The following GNAQ variants were observed in gnomAD, a reference collection of about 807,000 sequenced individuals.
GNAQ encodes the protein G protein subunit alpha q, also known as guanine nucleotide-binding protein G(q) subunit alpha.
In GNAQ, 8 loss-of-function variants were observed where a neutral mutation model predicts 43.9. The ratio of observed to expected loss-of-function variants is 0.18; its 90% CI spans 0.11 to 0.33. The LOEUF (loss-of-function observed/expected upper bound fraction) is 0.33, where lower values mean the gene tolerates loss of function less well. Among genes scored for constraint, GNAQ ranks in the 10% least tolerant of loss-of-function variants. The pLI, the probability that GNAQ is intolerant of heterozygous loss-of-function variation, is 1.00. For synonymous variants in GNAQ, 155 were observed against 170.7 expected (o/e 0.91, Z 0.71); for missense variants, 158 against 450.8 (o/e 0.35, Z 5.88).
chr9:77,868,613 T>C (rs11145596), intron 2 of GNAQ, among the ~76,000 whole-genome samples: 21,498 of 151,892 alleles, frequency 0.14, 1,642 homozygotes, highest in East Asian at 0.29. Flanking sequence ...CTGGCCAACA[T>C]AGTGAAGTCC....
intron 3 of GNAQ, among the ~76,000 whole-genome samples, chr9:77,801,168 T>C (rs1242449763): frequency 6.6e-6 from 1 of 152,096 alleles, no homozygotes; most frequent in East Asian, 1.9e-4. Context: ...AACCAGCACA[T>C]GAAGTGGGAA....
chr9:77,926,568 G>A (rs1428700341), intron 1 of GNAQ, among the ~76,000 whole-genome samples: 1 of 152,142 alleles, frequency 6.6e-6, no homozygotes, highest in East Asian at 1.9e-4. Flanking sequence ...AAAATCTGGT[G>A]ACAAGCCCTT....
At chr9:77,806,331 G>A (rs945000411) in intron 3 of GNAQ, among the ~76,000 whole-genome samples, 1 of 152,170 alleles carries the variant, frequency 6.6e-6, no homozygotes, top group Admixed American at 6.5e-5. Flanking sequence ...ACTGGATGGC[G>A]ATGCTTAATT....
chr9:77,824,417 T>G (rs879876849), intron 2 of GNAQ, among the ~76,000 whole-genome samples: 1 of 152,222 alleles, frequency 6.6e-6, no homozygotes, highest in Admixed American at 6.5e-5. Context: ...CATAGAACTA[T>G]CTTTCGGTAT....
intron 1 of GNAQ, among the ~76,000 whole-genome samples, chr9:77,995,969 A>AT (rs1467012699): frequency 1.3e-5 from 2 of 152,218 alleles, no homozygotes; most frequent in African/African-American, 4.8e-5. Context: ...CATACATTCT[A>AT]TTTGCACACA....
chr9:77,900,197 C>T (rs960078296), intron 2 of GNAQ, among the ~76,000 whole-genome samples: 1 of 152,054 alleles, frequency 6.6e-6, no homozygotes, highest in Non-Finnish European at 1.5e-5. Flanking sequence ...TTGTGGTATA[C>T]GTCTAAGTTT....
intron 1 of GNAQ, among the ~76,000 whole-genome samples, chr9:77,992,247 T>C (rs1202371122): frequency 6.6e-6 from 1 of 152,230 alleles, no homozygotes; most frequent in East Asian, 1.9e-4. Flanking sequence ...GTCATTTCCC[T>C]GTAAATGGAA....
chr9:77,945,164 G>C (rs1822871012), intron 1 of GNAQ, among the ~76,000 whole-genome samples: 1 of 152,074 alleles, frequency 6.6e-6, no homozygotes, highest in Non-Finnish European at 1.5e-5. Context: ...TTGGTTCTTG[G>C]GCTATTAACT....
chr9:77,794,442 G>T (rs776746152), intron 5 of GNAQ, 21 bp downstream of exon 5: 2 of 1,531,162 alleles, frequency 1.3e-6, no homozygotes, highest in Non-Finnish European at 1.8e-6. Context: ...ATAATCCATT[G>T]CCTGTCTAAA....
In GNAQ at chr9:77,728,599, C is replaced by T. The variant is rs61755087; in HGVS notation, c.804G>A (p.Ser268=). The change falls in exon 6 of 7, where the codon TCG becomes TCA. Residue 268 remains serine (S), a synonymous_variant. Transcript: ENST00000286548. The part of the protein sequence containing the change: ...IITYPWFQNS[S]VILFLNKKDL... ...CTTTCTTGTTTAAGAACAGAATAAC[C>T]GAGGAGTTCTGGAACCAGGGGTATG... 1.9e-4 allele frequency: 295 copies of T among 1,593,670 alleles called. No homozygotes were observed. The highest frequency in any genetic ancestry group is 2.4e-4 in the Non-Finnish European group (278 of 1,162,160).
In GNAQ at chr9:77,776,389, C is replaced by T. The variant is rs187189623; in HGVS notation, c.735+18074G>A. Among the ~76,000 whole-genome samples the T allele has an allele frequency of 9.5e-4, 145 of 152,250 alleles. 1 individual carries two copies. Among genetic ancestry groups the T allele is most frequent in the African/African-American group, 3.3e-3 (136 of 41,560 alleles). On this transcript the variant is annotated intron_variant, in intron 5 of 6. Coordinates refer to ENST00000286548, the MANE Select transcript of GNAQ (RefSeq NM_002072.5). ...TTGAAAGAAAAAGGACAGAAGATGA[C>T]GTACCATGCAAACAGTAACCAAAAG...
intron 1 of GNAQ, among the ~76,000 whole-genome samples, chr9:77,951,092 C>CTTTTT (rs35044662): frequency 0.018 from 1,569 of 89,254 alleles, 140 homozygotes; most frequent in East Asian, 0.052. Flanking sequence ...GTCAAGTGTT[C>CTTTTT]TTTTTTTTTT....
At chr9:77,956,886 T>A (rs1201871534) in intron 1 of GNAQ, among the ~76,000 whole-genome samples, 1 of 152,080 alleles carries the variant, frequency 6.6e-6, no homozygotes, top group Non-Finnish European at 1.5e-5. Flanking sequence ...AAAGCCAAAT[T>A]CAAGGAAGCA....
chr9:77,984,153 A>G (rs1164743814), intron 1 of GNAQ, among the ~76,000 whole-genome samples: 2 of 144,324 alleles, frequency 1.4e-5, no homozygotes, highest in African/African-American at 2.6e-5. Flanking sequence ...AAGTACGTAG[A>G]TTTCTGGGAT....
intron 1 of GNAQ, among the ~76,000 whole-genome samples, chr9:77,995,611 C>G (rs754637435): frequency 1.3e-5 from 2 of 152,120 alleles, no homozygotes; most frequent in Non-Finnish European, 2.9e-5. Flanking sequence ...CCACCTTAGC[C>G]TCCCATGTAG....
At chr9:77,811,109 C>T (rs1325040323) in intron 3 of GNAQ, among the ~76,000 whole-genome samples, 3 of 152,020 alleles carry the variant, frequency 2.0e-5, no homozygotes, top group Non-Finnish European at 4.4e-5. Context: ...CTCCTAATAC[C>T]AGAAATGTAG....
chr9:77,769,813 C>T (rs961194265), intron 5 of GNAQ, among the ~76,000 whole-genome samples: 8 of 151,936 alleles, frequency 5.3e-5, no homozygotes, highest in Non-Finnish European at 1.0e-4. Flanking sequence ...TACACGCGCC[C>T]GCCACAATGT....
intron 1 of GNAQ, among the ~76,000 whole-genome samples, chr9:78,015,551 T>C (rs1181255786): frequency 6.6e-6 from 1 of 152,180 alleles, no homozygotes; most frequent in Admixed American, 6.5e-5. Context: ...AATTAAATAA[T>C]ACACATATAT....
At chr9:78,030,465 C>G (rs746576192) in intron 1 of GNAQ, 9 of 467,972 alleles carry the variant, frequency 1.9e-5, no homozygotes, top group South Asian at 1.4e-4. Flanking sequence ...CCGCCTCGCC[C>G]CCAGTACACA....
Sources: gnomAD v4.1 joint callset for allele counts (sites outside exome capture counted in the v4.1 genomes callset) on GRCh38, gnomAD v4.1.1 for gene constraint, MANE v1.5 for transcripts, NCBI Gene and HGNC (gene_info 2026-07-23, HGNC 2026-07-21) for gene names.